Variants in GNAT2 observed in about 807,000 individuals in gnomAD.
GNAT2 encodes G protein subunit alpha transducin 2, also known as guanine nucleotide-binding protein G(t) subunit alpha-2.
In GNAT2, 32 loss-of-function variants were observed where a neutral mutation model predicts 40.9. That is an observed-to-expected ratio of 0.78 (90% CI 0.59 to 1.05). GNAT2 has a LOEUF of 1.05. Ranked by LOEUF, GNAT2 falls within the 50% of genes least tolerant of loss-of-function variation. GNAT2 has a pLI of 0.00. For missense variants in GNAT2, 355 were observed against 431.5 expected, an observed-to-expected ratio of 0.82 and a Z score of 1.57; for synonymous variants, 141 against 157.2, an observed-to-expected ratio of 0.90 and a Z score of 0.77.
intron 1 of GNAT2, chr1:109,615,620 A>AAAAAAAAG (rs1553227375): frequency 2.4e-5 from 3 of 126,810 alleles, no homozygotes; most frequent in East Asian, 4.5e-4. Flanking sequence ...AAAAAAAAAA[A>AAAAAAAAG]AAAAGAAAAG....
intron 5 of GNAT2, chr1:109,608,288 G>C (rs1217260195): frequency 8.0e-6 from 3 of 377,332 alleles, no homozygotes; most frequent in African/African-American, 2.1e-5. Flanking sequence ...GCTATCTTAG[G>C]GTTCTGGAAG....
intron 2 of GNAT2, 168 bp downstream of exon 2, chr1:109,612,585 C>T (rs1283010441): frequency 1.5e-6 from 1 of 678,394 alleles, no homozygotes; most frequent in East Asian, 2.8e-5. Context: ...GTTTAGGCCC[C>T]ATATTAACTC....
Position 109,606,288 on chromosome 1 carries a change from C to T in GNAT2, c.590+20G>A, listed in dbSNP as rs762948491. Reference sequence around the variant, plus strand: ...ATTCCACACGTGTATCCGAGATGCCCTAGGGAACCATGCACTTACCTGAAA... The same window carrying T: ...ATTCCACACGTGTATCCGAGATGCCTTAGGGAACCATGCACTTACCTGAAA... On this transcript the variant is annotated intron_variant, in intron 6 of 8. Coordinates refer to ENST00000679935, the MANE Select transcript of GNAT2 (RefSeq NM_001377295.2). 1.1e-5 allele frequency: 18 copies of T among 1,613,250 alleles called. No homozygotes were observed. Among genetic ancestry groups the T allele is most frequent in the Non-Finnish European group, 1.5e-5 (18 of 1,179,328 alleles).
At chr1:109,610,013 C>A (rs1186819985) in intron 4 of GNAT2, 27 bp downstream of exon 4, 1 of 1,611,922 alleles carries the variant, frequency 6.2e-7, no homozygotes, top group Non-Finnish European at 8.5e-7. Context: ...TGCTTCCACC[C>A]TTAACCACAT....
chr1:109,603,705 C>T, intron 8 of GNAT2, 161 bp from the exon 9 acceptor site: 1 of 684,514 alleles, frequency 1.5e-6, no homozygotes, highest in African/African-American at 1.8e-5. Context: ...CAGTGTTTCT[C>T]ACTTTAGTTG....
At chr1:109,609,625 C>T in intron 4 of GNAT2, 1 of 320,050 alleles carries the variant, frequency 3.1e-6, no homozygotes, top group South Asian at 2.7e-5. Flanking sequence ...GAGGAAGACC[C>T]TGTCCCAGTA....
chr1:109,612,565 T>G (rs1008082094), intron 2 of GNAT2, 188 bp downstream of exon 2: 16 of 647,748 alleles, frequency 2.5e-5, no homozygotes, highest in Non-Finnish European at 4.0e-5. Flanking sequence ...TGGATCCCCT[T>G]GGGGTGGCTG....
At chr1:109,614,279 C>G (rs190366801) in intron 1 of GNAT2, 1 of 152,346 alleles carries the variant, frequency 6.6e-6, no homozygotes, top group East Asian at 1.9e-4. Flanking sequence ...TTCCGCTAAA[C>G]TTACCTAATC....
intron 1 of GNAT2, 92 bp from the exon 2 acceptor site, chr1:109,613,015 A>G (rs1018115608): frequency 7.1e-5 from 53 of 748,866 alleles, no homozygotes; most frequent in Non-Finnish European, 1.2e-4. Context: ...GGCAGGTGAG[A>G]GAGCAGGCTG....
intron 1 of GNAT2, chr1:109,614,461 A>G (rs1487055358): frequency 6.6e-6 from 1 of 152,262 alleles, no homozygotes; most frequent in African/African-American, 2.4e-5. Flanking sequence ...GGTAGTTATC[A>G]CATCTGTGAA....
chr1:109,611,212 G>A (rs1649783290), intron 2 of GNAT2: 1 of 147,608 alleles, frequency 6.8e-6, no homozygotes, highest in African/African-American at 2.6e-5. Context: ...GTCTTGCTCT[G>A]TCTCCCAGGC....
At chr1:109,611,064 G>A (rs1649776456) in intron 2 of GNAT2, 1 of 172,936 alleles carries the variant, frequency 5.8e-6, no homozygotes, top group South Asian at 1.3e-4. Flanking sequence ...AGGCTGGAGT[G>A]TAATGGCACA....
chr1:109,607,503 G>GC (rs1649648384), intron 5 of GNAT2: 1 of 151,572 alleles, frequency 6.6e-6, no homozygotes, highest in East Asian at 1.9e-4. Context: ...TGACTGAGAG[G>GC]AGGAGGGAAG....
At chr1:109,607,174 A>G (rs1363484449) in intron 5 of GNAT2, 5 of 151,052 alleles carry the variant, frequency 3.3e-5, no homozygotes, top group Non-Finnish European at 7.4e-5. Flanking sequence ...AAAGGTGGCC[A>G]GGCACGGTGG....
chr1:109,618,042 ATTACAGATTT>A (rs1450719019), intron 1 of GNAT2: 2 of 152,218 alleles, frequency 1.3e-5, no homozygotes, highest in African/African-American at 4.8e-5. Flanking sequence ...TGTGGAGGCA[ATTACAGATTT>A]TTACAGATTT....
chr1:109,609,975 C>G, intron 4 of GNAT2, 65 bp downstream of exon 4: 1 of 1,502,798 alleles, frequency 6.7e-7, no homozygotes, highest in Admixed American at 1.7e-5. Flanking sequence ...TTGTTGGCCT[C>G]TGGTATGTTT....
intron 2 of GNAT2, chr1:109,611,346 T>G (rs916961212): frequency 1.3e-5 from 2 of 152,092 alleles, no homozygotes; most frequent in African/African-American, 4.8e-5. Context: ...GCCTGACTAA[T>G]TTTTGTATTT....
chr1:109,603,224 G>A lies in GNAT2; in HGVS notation c.*130C>T. On this transcript the variant is annotated 3_prime_UTR_variant, in exon 9 of 9. Transcript: ENST00000679935. ...AAAGAACGTATGAAATACAGTTGCAGTCATGTATACTCCATCTCCAAAGAA... is the reference window on the plus strand; with the variant it reads ...AAAGAACGTATGAAATACAGTTGCAATCATGTATACTCCATCTCCAAAGAA... The A allele has an allele frequency of 1.4e-6, 1 of 701,460 alleles. No homozygotes were observed. Among genetic ancestry groups the A allele is most frequent in the East Asian group, 2.7e-5 (1 of 37,184 alleles). 43.5% of individuals were successfully genotyped at this position (701,460 alleles called of 1,614,324 possible).
chr1:109,611,109 C>G (rs1447012349), intron 2 of GNAT2: 1 of 164,864 alleles, frequency 6.1e-6, no homozygotes, highest in East Asian at 1.8e-4. Flanking sequence ...TTCCCAGGCT[C>G]AAGTGATCCT....
Sources: gnomAD v4.1 joint callset for allele counts on GRCh38, gnomAD v4.1.1 for gene constraint, MANE v1.5 for transcripts, NCBI Gene and HGNC (gene_info 2026-07-23, HGNC 2026-07-21) for gene names.